The following ANKS1B variants were observed in gnomAD, a reference collection of about 807,000 sequenced individuals.
The protein encoded by ANKS1B is ankyrin repeat and sterile alpha motif domain-containing protein 1B.
In ANKS1B, 36 loss-of-function variants were observed where a neutral mutation model predicts 148.3. That is an observed-to-expected ratio of 0.24 (90% CI 0.19 to 0.32). The LOEUF (loss-of-function observed/expected upper bound fraction) is 0.32, where lower values mean the gene tolerates loss of function less well. ANKS1B is among the 10% of genes least tolerant of loss of function. The pLI, the probability that ANKS1B is intolerant of heterozygous loss-of-function variation, is 1.00. For synonymous variants in ANKS1B, 542 were observed against 560.8 expected, an observed-to-expected ratio of 0.97 and a Z score of 0.47; for missense variants, 1,157 against 1,542.6, an observed-to-expected ratio of 0.75 and a Z score of 4.19.
At chr12:99,005,783 C>T (rs1002260430) in intron 17 of ANKS1B, among the ~76,000 whole-genome samples, 5 of 152,266 alleles carry the variant, frequency 3.3e-5, no homozygotes, top group South Asian at 2.1e-4. Flanking sequence ...GGAACACACA[C>T]ACACACACGC....
chr12:98,862,350 A>T (rs1489508855), intron 17 of ANKS1B, among the ~76,000 whole-genome samples: 1 of 152,210 alleles, frequency 6.6e-6, no homozygotes, highest in African/African-American at 2.4e-5. Flanking sequence ...AAATGGGAAC[A>T]GTAATAATCC....
intron 1 of ANKS1B, among the ~76,000 whole-genome samples, chr12:99,955,229 C>T (rs953374518): frequency 1.3e-5 from 2 of 152,136 alleles, no homozygotes; most frequent in African/African-American, 4.8e-5. Context: ...TTTCTCCCTA[C>T]ACCCCAGGGT....
At chr12:99,681,137 T>G (rs553030179) in intron 8 of ANKS1B, among the ~76,000 whole-genome samples, 26 of 152,270 alleles carry the variant, frequency 1.7e-4, no homozygotes, top group African/African-American at 6.3e-4. Context: ...GAATCCTGAG[T>G]ACTTATCCAG....
chr12:99,470,479 A>G lies in ANKS1B; in HGVS notation c.1439-26670T>C, dbSNP rs778087660. Reference sequence around the variant, plus strand: ...TTCAATCTAAATGAATTTAGATTTCATGTAACATTTTGACTTTTTGGAAGG... The same window carrying G: ...TTCAATCTAAATGAATTTAGATTTCGTGTAACATTTTGACTTTTTGGAAGG... On this transcript the variant is annotated intron_variant, in intron 10 of 26. Transcript: ENST00000683438. Among the ~76,000 whole-genome samples the G allele has an allele frequency of 1.1e-3, 173 of 152,270 alleles. 1 individual carries two copies. Among genetic ancestry groups the G allele is most frequent in the Admixed American group, 1.9e-3 (29 of 15,286 alleles).
At chr12:99,056,145 T>C (rs529752011) in intron 16 of ANKS1B, among the ~76,000 whole-genome samples, 23 of 152,200 alleles carry the variant, frequency 1.5e-4, no homozygotes, top group Non-Finnish European at 3.2e-4. Context: ...TCAATGCCTA[T>C]TCTGATGAAT....
intron 12 of ANKS1B, among the ~76,000 whole-genome samples, chr12:99,305,479 G>A (rs951644326): frequency 2.6e-5 from 4 of 152,032 alleles, no homozygotes; most frequent in African/African-American, 9.7e-5. Context: ...TCTAGCAATA[G>A]GATAGAGGAT....
At chr12:99,093,498 T>A (rs928470277) in intron 15 of ANKS1B, 1 of 152,236 alleles carries the variant, frequency 6.6e-6, no homozygotes, top group Non-Finnish European at 1.5e-5. Context: ...CTTTTAGGTC[T>A]GTATCAAAGC....
At chr12:99,235,410 G>C (rs2220689) in intron 14 of ANKS1B, among the ~76,000 whole-genome samples, 80,873 of 151,942 alleles carry the variant, frequency 0.53, 23,832 homozygotes, top group African/African-American at 0.8. Context: ...ACTATCACAC[G>C]GGGCAGCCAC....
rs2078990852 is a variant in ANKS1B at position 99,285,343 on chromosome 12, A to C, written c.1757-38479T>G. On this transcript the variant is annotated intron_variant, in intron 12 of 26. Coordinates refer to ENST00000683438, the MANE Select transcript of ANKS1B (RefSeq NM_001352186.2). ...TGTTCCATTGTATGGATATAGCATA[A>C]TTTATTTATCCATTCACCTACTGAT... Among the ~76,000 whole-genome samples the C allele has an allele frequency of 2.0e-5, 3 of 152,270 alleles. No individual in the cohort carries two copies. The South Asian group carries it at 6.2e-4, about 32-fold the overall frequency.
intron 17 of ANKS1B, among the ~76,000 whole-genome samples, chr12:98,864,327 T>G (rs1405836843): frequency 5.9e-5 from 9 of 152,238 alleles, no homozygotes; most frequent in Admixed American, 5.9e-4. Flanking sequence ...TTTTGAAATA[T>G]ACAATATACT....
intron 17 of ANKS1B, among the ~76,000 whole-genome samples, chr12:99,039,792 A>G (rs2099957801): frequency 6.6e-6 from 1 of 152,198 alleles, no homozygotes; most frequent in Non-Finnish European, 1.5e-5. Context: ...TGCACCCACT[A>G]ACTCGTCCTC....
chr12:98,746,222 G>A (rs978729142), intron 26 of ANKS1B, among the ~76,000 whole-genome samples: 7 of 152,128 alleles, frequency 4.6e-5, no homozygotes, highest in Admixed American at 4.6e-4. Context: ...GCCACTCCCC[G>A]GCTCTCACTC....
chr12:99,386,625 A>G (rs2093870240), intron 12 of ANKS1B, among the ~76,000 whole-genome samples: 1 of 152,240 alleles, frequency 6.6e-6, no homozygotes, highest in Non-Finnish European at 1.5e-5. Context: ...ATTATTGTAC[A>G]TTATTAGATA....
chr12:99,540,298 C>T (rs2153118391), intron 9 of ANKS1B, among the ~76,000 whole-genome samples: 1 of 152,084 alleles, frequency 6.6e-6, no homozygotes. Context: ...TAAATAATAC[C>T]ATAAGCCAAG....
chr12:99,048,728 T>C (rs1005104535), intron 17 of ANKS1B: 2 of 152,566 alleles, frequency 1.3e-5, no homozygotes, highest in Non-Finnish European at 2.9e-5. Context: ...GTTAAGTGTG[T>C]ATTTATTTGG....
intron 1 of ANKS1B, among the ~76,000 whole-genome samples, chr12:99,844,642 T>C (rs1565844888): frequency 6.6e-6 from 1 of 152,216 alleles, no homozygotes; most frequent in Non-Finnish European, 1.5e-5. Context: ...ACTATAGTCT[T>C]ATAGTACAGT....
At chr12:98,963,175 TTTTCC>T (rs1269578682) in intron 17 of ANKS1B, among the ~76,000 whole-genome samples, 3 of 151,872 alleles carry the variant, frequency 2.0e-5, no homozygotes, top group Admixed American at 2.0e-4. Context: ...CTTTTTCTTT[TTTTCC>T]TTTCTTTTTT....
At chr12:99,354,682 C>T (rs2091804895) in intron 12 of ANKS1B, among the ~76,000 whole-genome samples, 1 of 151,742 alleles carries the variant, frequency 6.6e-6, no homozygotes, top group Non-Finnish European at 1.5e-5. Flanking sequence ...GGCCAAACAC[C>T]CATAATATTA....
intron 14 of ANKS1B, among the ~76,000 whole-genome samples, chr12:99,160,251 T>C (rs2076510537): frequency 6.6e-6 from 1 of 152,132 alleles, no homozygotes; most frequent in Middle Eastern, 3.2e-3. Flanking sequence ...TATCAATTTT[T>C]GTTTTTGTTG....
Sources: allele counts gnomAD v4.1 joint callset (sites outside exome capture counted in the v4.1 genomes callset), GRCh38; gene constraint gnomAD v4.1.1; transcripts MANE v1.5; gene names NCBI Gene and HGNC (gene_info 2026-07-23, HGNC 2026-07-21).